Variants in PRKACB observed in about 807,000 individuals in gnomAD.
The protein encoded by PRKACB is protein kinase cAMP-activated catalytic subunit beta.
PRKACB carries 16 observed loss-of-function variants against 51.4 expected under a neutral mutation model. The ratio of observed to expected loss-of-function variants is 0.31; its 90% CI spans 0.21 to 0.47. The LOEUF is 0.47. PRKACB is among the 20% of genes least tolerant of loss of function. The pLI, the probability that PRKACB is intolerant of heterozygous loss-of-function variation, is 1.00. For missense variants in PRKACB, 309 were observed against 464.5 expected, an observed-to-expected ratio of 0.67 and a Z score of 3.08; for synonymous variants, 147 against 154.4, an observed-to-expected ratio of 0.95 and a Z score of 0.35.
intron 1 of PRKACB, among the ~76,000 whole-genome samples, chr1:84,123,290 TA>T (rs1049281876): frequency 3.9e-5 from 6 of 152,324 alleles, no homozygotes; most frequent in African/African-American, 1.4e-4. Flanking sequence ...ACTTGATAAT[TA>T]AAACTGTATC....
chr1:84,191,224 A>T (rs1666703308), intron 5 of PRKACB, among the ~76,000 whole-genome samples: 1 of 152,130 alleles, frequency 6.6e-6, no homozygotes, highest in Non-Finnish European at 1.5e-5. Flanking sequence ...GTGATAATGA[A>T]ATTCCTTTAG....
At chr1:84,186,678 C>G (rs1292717652) in intron 5 of PRKACB, among the ~76,000 whole-genome samples, 1 of 152,116 alleles carries the variant, frequency 6.6e-6, no homozygotes, top group African/African-American at 2.4e-5. Flanking sequence ...GCTTGTCAAC[C>G]ATCTTGAAGT....
intron 1 of PRKACB, among the ~76,000 whole-genome samples, chr1:84,167,168 T>TACTGG (rs1657774691): frequency 1.3e-5 from 2 of 151,764 alleles, no homozygotes; most frequent in Admixed American, 1.3e-4. Flanking sequence ...ATAACTGCAT[T>TACTGG]ACTGGTCTCC....
chr1:84,145,946 C>G (rs1016740895), intron 1 of PRKACB, among the ~76,000 whole-genome samples: 1 of 151,944 alleles, frequency 6.6e-6, no homozygotes, highest in Non-Finnish European at 1.5e-5. Flanking sequence ...ACCTGCTCTT[C>G]ATATAGTGGG....
chr1:84,163,370 A>G (rs1036741213), intron 1 of PRKACB, among the ~76,000 whole-genome samples: 1 of 152,062 alleles, frequency 6.6e-6, no homozygotes, highest in African/African-American at 2.4e-5. Flanking sequence ...GTTTCTTGCT[A>G]TACCACCAAT....
chr1:84,128,613 A>C (rs929206818), intron 1 of PRKACB, among the ~76,000 whole-genome samples: 1 of 152,170 alleles, frequency 6.6e-6, no homozygotes, highest in African/African-American at 2.4e-5. Context: ...TATTAATCAG[A>C]TGTATTAATG....
At position 84,182,235 on chromosome 1, in the gene PRKACB, A is replaced by C; in HGVS notation, c.285A>C (p.Lys95Asn). 1.3e-6 allele frequency: 2 copies of C among 1,592,592 alleles called. No individual in the cohort carries two copies. The highest frequency in any genetic ancestry group is 1.7e-6 in the Non-Finnish European group (2 of 1,167,278). ...GACTTGAAGATTTTGAAAGGAAAAAAACCCTTGGAACAGGTTCATTTGGAA... is the reference window on the plus strand; with the variant it reads ...GACTTGAAGATTTTGAAAGGAAAAACACCCTTGGAACAGGTTCATTTGGAA... ...NAGLEDFERK[K>N]TLGTGSFGRV... The change falls in exon 3 of 10, where the codon AAA becomes AAC. Residue 95 changes from lysine to asparagine, a missense_variant. Physicochemically the swap from Lys to Asn is moderately conservative, Grantham distance 94 (BLOSUM62 0). Coordinates refer to ENST00000370685, the MANE Select transcript of PRKACB (RefSeq NM_182948.4).
At chr1:84,089,251 G>A (rs76008679) in intron 1 of PRKACB, among the ~76,000 whole-genome samples, 1,965 of 152,228 alleles carry the variant, frequency 0.013, 54 homozygotes, top group African/African-American at 0.044. Context: ...CCATTGGCAG[G>A]AACTTTGTCA....
chr1:84,181,340 A>G (rs1022342779), intron 2 of PRKACB, among the ~76,000 whole-genome samples: 9 of 152,034 alleles, frequency 5.9e-5, no homozygotes, highest in African/African-American at 2.2e-4. Flanking sequence ...AATGAAACCT[A>G]TTAAACAAAT....
intron 9 of PRKACB, among the ~76,000 whole-genome samples, chr1:84,220,900 T>C (rs1673603796): frequency 6.6e-6 from 1 of 152,156 alleles, no homozygotes; most frequent in Non-Finnish European, 1.5e-5. Context: ...GTCTGTAGTG[T>C]TCTTTTTTTG....
chr1:84,193,388 A>G (rs1206524484), intron 5 of PRKACB, among the ~76,000 whole-genome samples: 1 of 152,220 alleles, frequency 6.6e-6, no homozygotes, highest in Non-Finnish European at 1.5e-5. Context: ...ATCAAAGTCA[A>G]AATAAAAATA....
Position 84,191,200 on chromosome 1 carries a change from G to A in PRKACB, c.561-5416G>A, listed in dbSNP as rs961633814. On this transcript the variant is annotated intron_variant, in intron 5 of 9. Coordinates refer to ENST00000370685, the MANE Select transcript of PRKACB (RefSeq NM_182948.4). Reference sequence around the variant, plus strand: ...TTTAGGACTCCCTTAAGGACCACTTGTAAGGCTGATCTGGTGATAATGAAA... The same window carrying A: ...TTTAGGACTCCCTTAAGGACCACTTATAAGGCTGATCTGGTGATAATGAAA... 3.9e-5 allele frequency among the ~76,000 whole-genome samples: 6 copies of A among 152,240 alleles called. No individual in the cohort carries two copies. In the South Asian group the frequency reaches 8.3e-4, roughly 21 times the overall value.
chr1:84,102,664 G>A (rs929687028), intron 1 of PRKACB, among the ~76,000 whole-genome samples: 13 of 152,216 alleles, frequency 8.5e-5, no homozygotes, highest in African/African-American at 2.6e-4. Context: ...TAATTAATAA[G>A]GAAAAAAGTG....
chr1:84,113,131 A>G (rs976731680), intron 1 of PRKACB, among the ~76,000 whole-genome samples: 2 of 152,224 alleles, frequency 1.3e-5, no homozygotes, highest in African/African-American at 4.8e-5. Context: ...GATCAGTGAA[A>G]TATGATTTAA....
intron 9 of PRKACB, among the ~76,000 whole-genome samples, chr1:84,221,436 C>T (rs1222121825): frequency 2.0e-5 from 3 of 148,750 alleles, no homozygotes; most frequent in Admixed American, 2.0e-4. Flanking sequence ...TTCTCTATTT[C>T]ATTTAGTTGT....
chr1:84,142,778 A>G (rs1452653957), upstream of PRKACB, among the ~76,000 whole-genome samples: 1 of 152,218 alleles, frequency 6.6e-6, no homozygotes, highest in Non-Finnish European at 1.5e-5. Context: ...TACACAAAGT[A>G]TACACAAATG....
intron 1 of PRKACB, among the ~76,000 whole-genome samples, chr1:84,124,341 C>A (rs913262757): frequency 1.3e-5 from 2 of 152,186 alleles, no homozygotes; most frequent in Non-Finnish European, 2.9e-5. Context: ...AATGGAACTT[C>A]TATGCATGAT....
At chr1:84,189,829 A>C (rs930295595) in intron 5 of PRKACB, among the ~76,000 whole-genome samples, 4 of 152,028 alleles carry the variant, frequency 2.6e-5, no homozygotes, top group African/African-American at 7.2e-5. Context: ...GCAGATCAAT[A>C]CTTCAAGAAA....
At chr1:84,149,441 G>A (rs541200580) in intron 1 of PRKACB, among the ~76,000 whole-genome samples, 17 of 151,778 alleles carry the variant, frequency 1.1e-4, no homozygotes, top group Non-Finnish European at 1.9e-4. Context: ...TTGTATTTTT[G>A]GTAGAGGTGG....
Sources: allele counts gnomAD v4.1 joint callset (sites outside exome capture counted in the v4.1 genomes callset), GRCh38; gene constraint gnomAD v4.1.1; transcripts MANE v1.5; gene names NCBI Gene and HGNC (gene_info 2026-07-23, HGNC 2026-07-21).